DAB1: variants seen among roughly 807,000 people sequenced by gnomAD.
The protein encoded by DAB1 is disabled homolog 1.
Under a neutral mutation model 64.6 loss-of-function variants are expected in DAB1, and 15 were observed. The observed-to-expected ratio is 0.23, with a 90% CI of 0.16 to 0.36. The LOEUF is 0.36. Among genes scored for constraint, DAB1 ranks in the 10% least tolerant of loss-of-function variants. The pLI is 1.00. For missense variants in DAB1, 596 were observed against 706.7 expected (o/e 0.84, Z 1.78); for synonymous variants, 235 against 251.9 (o/e 0.93, Z 0.64).
At chr1:57,500,018 C>G (rs1644272677) in intron 7 of DAB1, among the ~76,000 whole-genome samples, 1 of 152,110 alleles carries the variant, frequency 6.6e-6, no homozygotes, top group African/African-American at 2.4e-5. Flanking sequence ...AGGGCAATTA[C>G]CAGTAAGATA....
chr1:57,394,291 G>A (rs1433351898), intron 1 of DAB1, among the ~76,000 whole-genome samples: 1 of 152,210 alleles, frequency 6.6e-6, no homozygotes, highest in Non-Finnish European at 1.5e-5. Context: ...AACTGCTGAA[G>A]GCAGAGAGCT....
At chr1:57,166,131 CTA>C (rs1180022779) in intron 2 of DAB1, among the ~76,000 whole-genome samples, 1 of 152,144 alleles carries the variant, frequency 6.6e-6, no homozygotes, top group Admixed American at 6.5e-5. Flanking sequence ...AGCAATTATG[CTA>C]TGTTTATGCC....
At chr1:58,513,110 G>T (rs1022739746) in intron 2 of DAB1, among the ~76,000 whole-genome samples, 1 of 152,142 alleles carries the variant, frequency 6.6e-6, no homozygotes, top group African/African-American at 2.4e-5. Context: ...CATGTGTCGA[G>T]GGAGGGACTT....
chr1:57,587,284 C>A (rs1400877418), intron 7 of DAB1, among the ~76,000 whole-genome samples: 1 of 152,140 alleles, frequency 6.6e-6, no homozygotes, highest in Non-Finnish European at 1.5e-5. Context: ...CAGGGTTTCA[C>A]AGCTTGCTAA....
chr1:58,277,255 G>T (rs1359368442), intron 4 of DAB1, among the ~76,000 whole-genome samples: 4 of 151,876 alleles, frequency 2.6e-5, no homozygotes, highest in African/African-American at 9.7e-5. Flanking sequence ...GGCCACGCTG[G>T]TCTCAAACTC....
At chr1:57,212,225 C>T (rs1324767830) in intron 2 of DAB1, among the ~76,000 whole-genome samples, 1 of 151,880 alleles carries the variant, frequency 6.6e-6, no homozygotes, top group African/African-American at 2.4e-5. Flanking sequence ...TTACGAATGA[C>T]CAGACCCCCA....
intron 5 of DAB1, among the ~76,000 whole-genome samples, chr1:57,973,084 C>T (rs950575299): frequency 6.6e-6 from 1 of 152,102 alleles, no homozygotes; most frequent in Non-Finnish European, 1.5e-5. Flanking sequence ...TATGAGTTAT[C>T]CATGCAGACC....
At chr1:58,438,876 T>C (rs1644974663) in intron 3 of DAB1, among the ~76,000 whole-genome samples, 1 of 152,214 alleles carries the variant, frequency 6.6e-6, no homozygotes, top group Non-Finnish European at 1.5e-5. Context: ...CTGAGAATAC[T>C]TGGAGCAGAA....
intron 4 of DAB1, among the ~76,000 whole-genome samples, chr1:58,321,443 G>A (rs905265580): frequency 7.2e-5 from 11 of 152,238 alleles, no homozygotes; most frequent in Non-Finnish European, 1.0e-4. Context: ...AGGGCAAGCC[G>A]AAGCAGGGCG....
chr1:57,703,033 T>A (rs1289901115), intron 6 of DAB1, among the ~76,000 whole-genome samples: 4 of 151,914 alleles, frequency 2.6e-5, no homozygotes, highest in African/African-American at 9.7e-5. Flanking sequence ...TATACAAAAA[T>A]TAACTCAAGG....
At chr1:58,125,693 G>A (rs556356008) in intron 5 of DAB1, among the ~76,000 whole-genome samples, 1 of 152,142 alleles carries the variant, frequency 6.6e-6, no homozygotes, top group Non-Finnish European at 1.5e-5. Flanking sequence ...CAATCCACCT[G>A]TCTCAGCCTT....
chr1:58,487,696 G>C (rs1645599480), intron 3 of DAB1, among the ~76,000 whole-genome samples: 1 of 151,798 alleles, frequency 6.6e-6, no homozygotes, highest in Non-Finnish European at 1.5e-5. Context: ...AAGTAATTTA[G>C]TAATTTGTAA....
In DAB1 at chr1:57,553,759, C is replaced by G. The variant is rs545072256; in HGVS notation, n.625+95833G>C. Among the ~76,000 whole-genome samples the G allele has an allele frequency of 1.1e-3, 164 of 152,186 alleles. 1 individual carries two copies. The highest frequency in any genetic ancestry group is 3.4e-3 in the Middle Eastern group (1 of 294). ...TGAAAAAGCAGGGAGGGTTCAGGGT[C>G]AAATGCAGCAGCAACAAGGTGAGGA... is the stretch of plus-strand genomic sequence containing the variant. On this transcript the variant is annotated intron_variant and non_coding_transcript_variant, in intron 7 of 20. Coordinates refer to the DAB1 transcript ENST00000485760.
intron 3 of DAB1, among the ~76,000 whole-genome samples, chr1:58,501,667 G>A (rs1645908259): frequency 1.3e-5 from 2 of 152,074 alleles, no homozygotes; most frequent in South Asian, 4.1e-4. Flanking sequence ...AACCTTCTTT[G>A]ACTGCTGAAG....
At chr1:58,004,178 A>C (rs1646546939) in intron 5 of DAB1, among the ~76,000 whole-genome samples, 1 of 152,020 alleles carries the variant, frequency 6.6e-6, no homozygotes. Context: ...TCTCACTTAC[A>C]CTCTTACATT....
intron 3 of DAB1, among the ~76,000 whole-genome samples, chr1:58,414,608 TG>T (rs1181239404): frequency 6.6e-6 from 1 of 152,080 alleles, no homozygotes; most frequent in Non-Finnish European, 1.5e-5. Context: ...TAAGCAATAA[TG>T]TTTTTTTTTC....
At chr1:57,405,689 C>T (rs912192624) in intron 1 of DAB1, among the ~76,000 whole-genome samples, 1 of 152,202 alleles carries the variant, frequency 6.6e-6, no homozygotes, top group Non-Finnish European at 1.5e-5. Context: ...AGCGGTTTAC[C>T]TGGTCCCCAC....
intron 5 of DAB1, among the ~76,000 whole-genome samples, chr1:57,909,915 C>G (rs940921182): frequency 1.2e-4 from 18 of 152,292 alleles, no homozygotes; most frequent in African/African-American, 4.3e-4. Context: ...CTGACTGGTA[C>G]TGGCGTCTGA....
chr1:57,497,870 T>C (rs1200459386), intron 7 of DAB1, among the ~76,000 whole-genome samples: 1 of 152,210 alleles, frequency 6.6e-6, no homozygotes, highest in Non-Finnish European at 1.5e-5. Flanking sequence ...GTGATATAAT[T>C]AGTTCTGTAT....
Sources: gnomAD v4.1 joint callset for allele counts (sites outside exome capture counted in the v4.1 genomes callset) on GRCh38, gnomAD v4.1.1 for gene constraint, MANE v1.5 for transcripts, NCBI Gene and HGNC (gene_info 2026-07-23, HGNC 2026-07-21) for gene names.